MYO5B: variants seen among roughly 807,000 people sequenced by gnomAD.
The protein encoded by MYO5B is unconventional myosin-Vb.
Under a neutral mutation model 229.3 loss-of-function variants are expected in MYO5B, and 143 were observed. The observed-to-expected ratio is 0.62, with a 90% CI of 0.54 to 0.72. MYO5B has a LOEUF of 0.72. Among genes scored for constraint, MYO5B ranks in the 30% least tolerant of loss-of-function variants. The pLI is 0.00. For missense variants in MYO5B, 2,321 were observed against 2,331.0 expected, an observed-to-expected ratio of 1.00 and a Z score of 0.09; for synonymous variants, 918 against 885.2, an observed-to-expected ratio of 1.04 and a Z score of -0.66.
At chr18:50,002,172 C>T (rs545011733) in intron 4 of MYO5B, among the ~76,000 whole-genome samples, 1 of 152,212 alleles carries the variant, frequency 6.6e-6, no homozygotes, top group Admixed American at 6.5e-5. Flanking sequence ...TCTCCTCCTG[C>T]ATTTGAGCCT....
intron 1 of MYO5B, among the ~76,000 whole-genome samples, chr18:50,174,441 T>C (rs768943493): frequency 7.9e-5 from 12 of 152,192 alleles, no homozygotes; most frequent in Non-Finnish European, 1.6e-4. Context: ...ATGGAAGCCC[T>C]GCATTCCAGT....
Position 49,864,227 on chromosome 18 carries a change from C to T in MYO5B, c.3757G>A (p.Glu1253Lys). 6.2e-7 allele frequency: 1 copy of T among 1,614,022 alleles called. No homozygotes were observed. The highest frequency in any genetic ancestry group is 8.5e-7 in the Non-Finnish European group (1 of 1,180,044). Residue 1253 changes from glutamate to lysine, a missense_variant, in exon 28 of 40, where the codon GAG (glutamate) becomes AAG (lysine). Physicochemically the swap from Glu to Lys is moderately conservative, Grantham distance 56. This residue lies in a region of MYO5B where 2,113 missense variants were observed against 2,044.7 expected (regional missense o/e 1.03). Coordinates refer to ENST00000285039, the MANE Select transcript of MYO5B (RefSeq NM_001080467.3). ...ACCTCCTCCTTGCGCACCTCGAGCT[C>T]CTCGTGGGCCAGCTTGAGCTGGTTC... is the stretch of plus-strand genomic sequence containing the variant. ...LLNQLKLAHE[E>K]LEVRKEEVLI... is the part of the protein sequence containing the mutation.
intron 1 of MYO5B, among the ~76,000 whole-genome samples, chr18:50,096,763 G>T (rs956498330): frequency 6.6e-6 from 1 of 152,134 alleles, no homozygotes; most frequent in Non-Finnish European, 1.5e-5. Context: ...AACCCCCTTT[G>T]CCCTGCCTTG....
At chr18:50,086,791 C>T (rs1349604657) in intron 1 of MYO5B, among the ~76,000 whole-genome samples, 3 of 152,062 alleles carry the variant, frequency 2.0e-5, no homozygotes, top group Admixed American at 6.6e-5. Flanking sequence ...TGCTTACAGG[C>T]GGAGGGTGAT....
At chr18:50,143,096 C>G (rs546638737) in intron 1 of MYO5B, among the ~76,000 whole-genome samples, 1 of 152,184 alleles carries the variant, frequency 6.6e-6, no homozygotes, top group Non-Finnish European at 1.5e-5. Flanking sequence ...AAGCATTTAA[C>G]GTTTCTATTA....
chr18:49,868,739 T>G (rs748407960), intron 27 of MYO5B, among the ~76,000 whole-genome samples: 5 of 152,190 alleles, frequency 3.3e-5, no homozygotes, highest in Admixed American at 6.5e-5. Context: ...TAACAGTCAC[T>G]GCAGGGAGAC....
intron 38 of MYO5B, 105 bp downstream of exon 38, chr18:49,836,606 G>T: frequency 7.6e-7 from 1 of 1,315,816 alleles, no homozygotes; most frequent in Non-Finnish European, 1.1e-6. Context: ...GTATATAAAG[G>T]GTGGGAGTGC....
chr18:50,025,020 C>G (rs571528949), intron 4 of MYO5B, among the ~76,000 whole-genome samples: 1 of 152,174 alleles, frequency 6.6e-6, no homozygotes, highest in Admixed American at 6.5e-5. Flanking sequence ...TTCATGAGGT[C>G]GGCTTGCTTT....
At chr18:49,828,254 C>T (rs558080247) in intron 39 of MYO5B, among the ~76,000 whole-genome samples, 1 of 152,264 alleles carries the variant, frequency 6.6e-6, no homozygotes, top group East Asian at 1.9e-4. Flanking sequence ...CAGCTCAAAT[C>T]CTGAAAGGAA....
chr18:49,913,081 G>A (rs747359822), intron 17 of MYO5B, among the ~76,000 whole-genome samples: 12 of 152,126 alleles, frequency 7.9e-5, no homozygotes, highest in Non-Finnish European at 1.3e-4. Flanking sequence ...GATTATTAGA[G>A]TAATACAGGC....
At chr18:49,954,022 A>ATGTGTGTGTG (rs1265216409) in intron 13 of MYO5B, among the ~76,000 whole-genome samples, 1 of 129,814 alleles carries the variant, frequency 7.7e-6, no homozygotes, top group Non-Finnish European at 1.6e-5. Flanking sequence ...GTATGTATTT[A>ATGTGTGTGTG]TATGTGTGTG....
intron 9 of MYO5B, among the ~76,000 whole-genome samples, 183 bp from the exon 10 acceptor site, chr18:49,974,798 G>GACACACAGACACACACACACACACAC (rs1460518712): frequency 8.4e-5 from 11 of 130,996 alleles, no homozygotes; most frequent in Non-Finnish European, 1.4e-4. Flanking sequence ...CACACACACA[G>GACACACAGACACACACACACACACAC]ACACACACAC....
At chr18:50,022,520 A>G (rs1209361016) in intron 4 of MYO5B, among the ~76,000 whole-genome samples, 3 of 152,220 alleles carry the variant, frequency 2.0e-5, no homozygotes, top group Non-Finnish European at 4.4e-5. Flanking sequence ...GTAAGAAGGC[A>G]AAGACAAGGG....
At chr18:50,019,726 G>A (rs185520198) in intron 4 of MYO5B, among the ~76,000 whole-genome samples, 5 of 152,316 alleles carry the variant, frequency 3.3e-5, no homozygotes, top group South Asian at 2.1e-4. Context: ...TGGGAGTCTC[G>A]TACCTGGTGG....
intron 17 of MYO5B, among the ~76,000 whole-genome samples, chr18:49,913,871 G>A (rs1401229436): frequency 1.3e-5 from 2 of 152,026 alleles, no homozygotes; most frequent in African/African-American, 2.4e-5. Context: ...AAGAGAAAGA[G>A]CATCTGAACA....
Position 49,879,218 on chromosome 18 carries a change from T to C in MYO5B, c.3131-128A>G, listed in dbSNP as rs144560257. 1.0e-5 allele frequency: 11 copies of C among 1,087,656 alleles called. No individual in the cohort carries two copies. In the East Asian group the frequency reaches 2.7e-4, roughly 27 times the overall value. The allele number at this position is 1,087,656 out of a possible 1,614,324, so 67.4% of individuals were successfully genotyped here. ...GAGCTCATCAGAGGCTCTTGATGAA[T>C]CTATTACGCTCCTCACCTACTGCAG... On this transcript the variant is annotated intron_variant, in intron 23 of 39. Transcript: ENST00000285039.
intron 1 of MYO5B, among the ~76,000 whole-genome samples, chr18:50,056,643 C>T (rs556526046): frequency 6.6e-6 from 1 of 152,262 alleles, no homozygotes; most frequent in African/African-American, 2.4e-5. Flanking sequence ...GGAGTGACAG[C>T]TGAGCACAGA....
chr18:50,105,128 A>G (rs2031731414), intron 1 of MYO5B, among the ~76,000 whole-genome samples: 1 of 151,950 alleles, frequency 6.6e-6, no homozygotes, highest in Non-Finnish European at 1.5e-5. Context: ...TCAGACCAAG[A>G]TGAGGCTGGA....
chr18:50,095,761 C>T (rs1417790532), intron 1 of MYO5B, among the ~76,000 whole-genome samples: 1 of 152,192 alleles, frequency 6.6e-6, no homozygotes, highest in Non-Finnish European at 1.5e-5. Flanking sequence ...GTGCAGGGAG[C>T]CTCACTCATG....
Sources: gnomAD v4.1 joint callset for allele counts (sites outside exome capture counted in the v4.1 genomes callset) on GRCh38, gnomAD v4.1.1 for gene constraint, gnomAD v4.1.1 regional missense constraint, MANE v1.5 for transcripts, NCBI Gene and HGNC (gene_info 2026-07-23, HGNC 2026-07-21) for gene names.